OTOA: variants seen among roughly 807,000 people sequenced by gnomAD.
OTOA encodes the protein cancer/testis antigen 108.
In OTOA, 70 loss-of-function variants were observed where a neutral mutation model predicts 110.8. That is an observed-to-expected ratio of 0.63 (90% CI 0.52 to 0.77). OTOA has a LOEUF of 0.77. OTOA is among the 30% of genes least tolerant of loss of function. OTOA has a pLI of 0.00. For synonymous variants in OTOA, 373 were observed against 431.5 expected (o/e 0.86, Z 1.68); for missense variants, 917 against 1,075.8 (o/e 0.85, Z 2.06).
At chr16:21,749,590 C>T (rs1378346216) in intron 24 of OTOA, among the ~76,000 whole-genome samples, 5 of 145,564 alleles carry the variant, frequency 3.4e-5, no homozygotes, top group African/African-American at 1.0e-4. Context: ...CTGTGATTTT[C>T]GCTTCCACTT....
chr16:21,681,896 A>G lies in OTOA; in HGVS notation c.267+71A>G, dbSNP rs560924868. The G allele has an allele frequency of 2.0e-5, 28 of 1,396,124 alleles. 2 individuals are homozygous for G. In the South Asian group the frequency reaches 3.1e-4, roughly 16 times the overall value. The allele number at this position is 1,396,124 out of a possible 1,614,324, so 86.5% of individuals were successfully genotyped here. On this transcript the variant is annotated intron_variant, in intron 6 of 28. Coordinates refer to ENST00000646100, the MANE Select transcript of OTOA (RefSeq NM_144672.4). ...GGATTGCAAACTCAGGGGCCAGGTA[A>G]GTTGGAGAAGTGGGCTGGATGTAGA...
At chr16:21,666,720 A>C (rs1966840799) in intron 1 of OTOA, among the ~76,000 whole-genome samples, 1 of 152,014 alleles carries the variant, frequency 6.6e-6, no homozygotes, top group African/African-American at 2.4e-5. Context: ...TTCAGTGGGG[A>C]AGGGGTATGG....
intron 9 of OTOA, among the ~76,000 whole-genome samples, chr16:21,693,279 A>G (rs1897870316): frequency 6.6e-6 from 1 of 152,050 alleles, no homozygotes; most frequent in Non-Finnish European, 1.5e-5. Context: ...AAGCAAACAA[A>G]CAAACAAACA....
At position 21,700,084 on chromosome 16, in the gene OTOA, G is replaced by A. The variant is rs189501184; in HGVS notation, c.841-804G>A. 9.1e-4 allele frequency among the ~76,000 whole-genome samples: 139 copies of A among 152,128 alleles called. 1 individual carries two copies. Among genetic ancestry groups the A allele is most frequent in the Admixed American group, 3.5e-3 (54 of 15,266 alleles). ...AGAAGACTTGCACGTGGCACCCTTG[G>A]ACATGTGGGCCAAAAAGGAACAAGA... On this transcript the variant is annotated intron_variant, in intron 10 of 28. Transcript: ENST00000646100.
chr16:21,738,494 A>G (rs1899416941), intron 22 of OTOA, among the ~76,000 whole-genome samples: 1 of 130,396 alleles, frequency 7.7e-6, no homozygotes, highest in Non-Finnish European at 1.7e-5. Flanking sequence ...TGGGTAATGG[A>G]GGTGGCTCTC....
intron 15 of OTOA, 65 bp downstream of exon 15, chr16:21,717,112 C>A: frequency 6.3e-7 from 1 of 1,592,644 alleles, no homozygotes; most frequent in South Asian, 1.1e-5. Flanking sequence ...AATGAATGGT[C>A]TGTTTTAAGG....
chr16:21,695,248 T>A (rs1897909372), intron 9 of OTOA, among the ~76,000 whole-genome samples: 1 of 128,712 alleles, frequency 7.8e-6, no homozygotes, highest in Non-Finnish European at 1.6e-5. Context: ...TACAAAAAAA[T>A]TAAAAGATTA....
At chr16:21,733,860 C>T (rs953590730) in intron 21 of OTOA, among the ~76,000 whole-genome samples, 1 of 152,146 alleles carries the variant, frequency 6.6e-6, no homozygotes, top group Non-Finnish European at 1.5e-5. Context: ...AATGCAGTGG[C>T]ACGATTTCGG....
At chr16:21,714,484 C>T (rs1302019515) in intron 13 of OTOA, among the ~76,000 whole-genome samples, 17 of 119,316 alleles carry the variant, frequency 1.4e-4, no homozygotes, top group Admixed American at 2.6e-4. Context: ...TCTTTCCTCT[C>T]CCTCTCTCTC....
chr16:21,710,274 G>T (rs1344792868), intron 13 of OTOA, among the ~76,000 whole-genome samples, 171 bp downstream of exon 13: 4 of 152,154 alleles, frequency 2.6e-5, no homozygotes, highest in Non-Finnish European at 5.9e-5. Context: ...AGAAAGGTAG[G>T]TTTCATTCTG....
In OTOA at chr16:21,687,589, C is replaced by T. The variant is rs1376309805; in HGVS notation, c.576C>T (p.Leu192=). Residue 192 remains leucine (L), a synonymous_variant, in exon 8 of 29, where the codon CTC becomes CTT. Transcript: ENST00000646100. ...TGAGGGGGTCCTCAGGGAGCTTTCTCCAGCCAGACATCACAGAGCGGCTCC... is the reference window on the plus strand; with the variant it reads ...TGAGGGGGTCCTCAGGGAGCTTTCTTCAGCCAGACATCACAGAGCGGCTCC... ...KVLRGSSGSF[L]QPDITERLPR... is the part of the protein sequence containing the mutation. 2 of 1,613,762 alleles carry T rather than the reference C, an allele frequency of 1.2e-6. No homozygotes were observed. Among genetic ancestry groups the T allele is most frequent in the African/African-American group, 2.7e-5 (2 of 74,832 alleles).
chr16:21,712,682 T>TA (rs370244136), intron 13 of OTOA, among the ~76,000 whole-genome samples: 83,950 of 145,154 alleles, frequency 0.58, 25,243 homozygotes, highest in Non-Finnish European at 0.7. Context: ...CTACTAAAAA[T>TA]AAAAAAAAAA....
intron 1 of OTOA, among the ~76,000 whole-genome samples, chr16:21,665,506 A>G (rs1477895051): frequency 1.3e-5 from 2 of 152,126 alleles, no homozygotes; most frequent in Non-Finnish European, 2.9e-5. Context: ...CCTCCCTGCC[A>G]TTCGCTTGCT....
Position 21,685,203 on chromosome 16 carries a change from C to G in OTOA, c.268-27C>G, listed in dbSNP as rs183719341. ...TGTGCTCCTGCTCTTTCTGTTCTCA[C>G]CGACTCTCCCAACACCCCAAATACA... On this transcript the variant is annotated intron_variant, in intron 6 of 28. Transcript: ENST00000646100. The G allele has an allele frequency of 2.0e-4, 316 of 1,609,168 alleles. 1 individual carries two copies. In the African/African-American group the frequency reaches 3.9e-3, roughly 20 times the overall value.
At chr16:21,695,883 A>AT (rs1325044183) in intron 9 of OTOA, among the ~76,000 whole-genome samples, 1 of 43,792 alleles carries the variant, frequency 2.3e-5, no homozygotes, top group African/African-American at 1.2e-4. Context: ...ATATATATAT[A>AT]TATATATATT....
chr16:21,708,073 G>A (rs1220140345), intron 12 of OTOA, among the ~76,000 whole-genome samples: 1 of 151,836 alleles, frequency 6.6e-6, no homozygotes, highest in Non-Finnish European at 1.5e-5. Flanking sequence ...CTACAGGCGT[G>A]AGCCACCACG....
intron 22 of OTOA, 139 bp downstream of exon 22, chr16:21,736,529 G>A (rs893181863): frequency 2.9e-6 from 3 of 1,020,526 alleles, no homozygotes; most frequent in Admixed American, 1.9e-5. Context: ...AAATCTATAA[G>A]CAAAAGAATT....
At position 21,687,564 on chromosome 16, in the gene OTOA, T is replaced by C. The variant is rs1288958481; in HGVS notation, c.551T>C (p.Leu184Pro). ...LECVEILGKV[L>P]RGSSGSFLQP... ...TGTGTGGAGATCCTGGGCAAGGTGCTGAGGGGGTCCTCAGGGAGCTTTCTC... is the reference window on the plus strand; with the variant it reads ...TGTGTGGAGATCCTGGGCAAGGTGCCGAGGGGGTCCTCAGGGAGCTTTCTC... Residue 184 changes from leucine to proline, a missense_variant, in exon 8 of 29, where the codon CTG becomes CCG. By Grantham distance (98) the Leu-to-Pro change is moderately conservative. Transcript: ENST00000646100. 6.2e-7 allele frequency: 1 copy of C among 1,613,868 alleles called. No individual in the cohort carries two copies. Among genetic ancestry groups the C allele is most frequent in the Non-Finnish European group, 8.5e-7 (1 of 1,180,004 alleles).
intron 14 of OTOA, 47 bp downstream of exon 14, chr16:21,715,199 GT>G: frequency 6.2e-7 from 1 of 1,612,904 alleles, no homozygotes. Context: ...CAGGGGGTAT[GT>G]TTTTGGGGTT....
Sources: allele counts gnomAD v4.1 joint callset (sites outside exome capture counted in the v4.1 genomes callset), GRCh38; gene constraint gnomAD v4.1.1; transcripts MANE v1.5; gene names NCBI Gene and HGNC (gene_info 2026-07-23, HGNC 2026-07-21).